The following FBXL20 variants were observed in gnomAD, a reference collection of about 807,000 sequenced individuals.
The protein encoded by FBXL20 is F-box and leucine rich repeat protein 20, also known as F-box/LRR-repeat protein 20.
FBXL20 carries 11 observed loss-of-function variants against 64.0 expected under a neutral mutation model. That is an observed-to-expected ratio of 0.17 (90% confidence interval 0.11 to 0.28). FBXL20 has a LOEUF of 0.28. Ranked by LOEUF, FBXL20 falls within the 10% of genes least tolerant of loss-of-function variation. The pLI is 1.00. For missense variants in FBXL20, 303 were observed against 526.2 expected (o/e 0.58, Z 4.15); for synonymous variants, 184 against 189.0 (o/e 0.97, Z 0.22).
chr17:39,382,144 T>C (rs1260017074), intron 1 of FBXL20, among the ~76,000 whole-genome samples: 1 of 144,274 alleles, frequency 6.9e-6, no homozygotes, highest in Non-Finnish European at 1.5e-5. Flanking sequence ...ATTATTGTAT[T>C]ATAAATTAAA....
At chr17:39,335,700 G>A (rs904725600) in intron 2 of FBXL20, among the ~76,000 whole-genome samples, 24 of 151,946 alleles carry the variant, frequency 1.6e-4, no homozygotes, top group African/African-American at 4.3e-4. Flanking sequence ...AAGTGGTACC[G>A]CTAAGTAAGT....
intron 1 of FBXL20, among the ~76,000 whole-genome samples, chr17:39,346,705 T>TA (rs71300075): frequency 1.4e-4 from 21 of 152,104 alleles, no homozygotes; most frequent in Non-Finnish European, 2.2e-4. Flanking sequence ...CTTTTTTTTT[T>TA]ATTATACTTT....
Position 39,401,623 on chromosome 17 carries a change from C to T in FBXL20, c.-221G>A. On this transcript the variant is annotated 5_prime_UTR_variant, in exon 1 of 15. Transcript: ENST00000264658. ...GACTGCTCGTCGCTAGCTCGGCTCT[C>T]TCCTCAGCCTCAACTTCAACCCAAA... is the stretch of plus-strand genomic sequence containing the variant. 1.4e-6 allele frequency: 2 copies of T among 1,391,296 alleles called. No homozygotes were observed. The highest frequency in any genetic ancestry group is 3.1e-5 in the African/African-American group (2 of 65,188). The allele number at this position is 1,391,296 out of a possible 1,614,324, so 86.2% of individuals were successfully genotyped here. A position where few individuals can be genotyped will look rare whatever the true frequency, so the allele number is the denominator to read the frequency against.
intron 2 of FBXL20, among the ~76,000 whole-genome samples, chr17:39,304,449 G>A (rs1378360606): frequency 6.6e-6 from 1 of 151,798 alleles, no homozygotes; most frequent in Non-Finnish European, 1.5e-5. Flanking sequence ...CACAAAGCCT[G>A]GCTAATTTTT....
chr17:39,282,490 T>C (rs1036009489), intron 8 of FBXL20, among the ~76,000 whole-genome samples: 3 of 152,212 alleles, frequency 2.0e-5, no homozygotes, highest in Non-Finnish European at 2.9e-5. Flanking sequence ...GTATCTTTAA[T>C]ATAATCTTAA....
chr17:39,301,128 A>C, intron 3 of FBXL20, 53 bp from the exon 4 acceptor site: 1 of 1,525,216 alleles, frequency 6.6e-7, no homozygotes, highest in Non-Finnish European at 9.0e-7. Flanking sequence ...TAAGGGGAAA[A>C]GGCAGCAATA....
chr17:39,269,018 T>G, intron 11 of FBXL20, 147 bp from the exon 12 acceptor site: 1 of 720,338 alleles, frequency 1.4e-6, no homozygotes, highest in East Asian at 2.6e-5. Context: ...AATTTTTTTT[T>G]CTTTCTTTTG....
At chr17:39,296,115 C>T (rs780131327) in intron 6 of FBXL20, among the ~76,000 whole-genome samples, 1 of 151,984 alleles carries the variant, frequency 6.6e-6, no homozygotes, top group East Asian at 1.9e-4. Context: ...AATTCTTATT[C>T]TTTATAACAC....
At chr17:39,330,317 A>T (rs1216916650) in intron 2 of FBXL20, among the ~76,000 whole-genome samples, 1 of 150,012 alleles carries the variant, frequency 6.7e-6, no homozygotes, top group Non-Finnish European at 1.5e-5. Context: ...AAATAAAAAT[A>T]AAAAATAAAA....
At chr17:39,333,218 G>A (rs1231444690) in intron 2 of FBXL20, among the ~76,000 whole-genome samples, 2 of 152,228 alleles carry the variant, frequency 1.3e-5, no homozygotes, top group South Asian at 2.1e-4. Flanking sequence ...CTGTACTGCC[G>A]CCATCTCGAC....
intron 9 of FBXL20, among the ~76,000 whole-genome samples, chr17:39,277,170 T>TA (rs1453595954): frequency 1.3e-5 from 2 of 151,994 alleles, no homozygotes; most frequent in Non-Finnish European, 2.9e-5. Flanking sequence ...CAAATATAGA[T>TA]TAAAAAAATT....
chr17:39,263,292 A>T (rs921044162), intron 14 of FBXL20, among the ~76,000 whole-genome samples: 12 of 152,242 alleles, frequency 7.9e-5, no homozygotes, highest in African/African-American at 2.9e-4. Context: ...AGGCAGGCAG[A>T]TCGCTTGAGC....
At chr17:39,375,089 C>G (rs932179636) in intron 1 of FBXL20, among the ~76,000 whole-genome samples, 1 of 152,008 alleles carries the variant, frequency 6.6e-6, no homozygotes, top group African/African-American at 2.4e-5. Flanking sequence ...CCAGCTGCTA[C>G]TTTTCAATAA....
At chr17:39,327,243 A>G (rs1408069890) in intron 2 of FBXL20, among the ~76,000 whole-genome samples, 2 of 152,138 alleles carry the variant, frequency 1.3e-5, no homozygotes, top group African/African-American at 4.8e-5. Flanking sequence ...ACCCAGCCTC[A>G]AAGTTAACTT....
chr17:39,347,834 T>G (rs1398384197), intron 1 of FBXL20, among the ~76,000 whole-genome samples: 6 of 152,132 alleles, frequency 3.9e-5, no homozygotes, highest in Admixed American at 3.9e-4. Context: ...GGTCTAACAT[T>G]TAAGTCTTTA....
intron 2 of FBXL20, among the ~76,000 whole-genome samples, chr17:39,313,545 T>C (rs1029000765): frequency 2.0e-5 from 3 of 152,266 alleles, no homozygotes; most frequent in Non-Finnish European, 4.4e-5. Flanking sequence ...GATAATTATC[T>C]TTAGAAACCA....
At chr17:39,309,791 CAAA>C (rs111999882) in intron 2 of FBXL20, among the ~76,000 whole-genome samples, 2 of 56,232 alleles carry the variant, frequency 3.6e-5, no homozygotes, top group Admixed American at 2.2e-4. Flanking sequence ...GACTCCATCT[CAAA>C]AAAAAAAAAA....
intron 5 of FBXL20, among the ~76,000 whole-genome samples, chr17:39,297,905 T>G (rs1049301886): frequency 6.6e-6 from 1 of 151,594 alleles, no homozygotes; most frequent in African/African-American, 2.4e-5. Flanking sequence ...CCAACTAAGT[T>G]TTTGTATTTT....
intron 2 of FBXL20, among the ~76,000 whole-genome samples, chr17:39,330,999 T>C (rs1475257421): frequency 2.0e-5 from 3 of 152,230 alleles, no homozygotes; most frequent in Non-Finnish European, 4.4e-5. Context: ...TCAAATCTTG[T>C]AGCATACCTG....
Sources: allele counts gnomAD v4.1 joint callset (sites outside exome capture counted in the v4.1 genomes callset), GRCh38; gene constraint gnomAD v4.1.1; transcripts MANE v1.5; gene names NCBI Gene and HGNC (gene_info 2026-07-23, HGNC 2026-07-21).